The following ATP10D variants were observed in gnomAD, a reference collection of about 807,000 sequenced individuals.
ATP10D encodes the protein phospholipid-transporting ATPase VD.
A neutral mutation model predicts 144.8 loss-of-function variants in ATP10D; 89 were observed. The ratio of observed to expected loss-of-function variants is 0.61; its 90% CI spans 0.52 to 0.73. The LOEUF (loss-of-function observed/expected upper bound fraction) is 0.73, where lower values mean the gene tolerates loss of function less well. ATP10D is among the 30% of genes least tolerant of loss of function. ATP10D has a pLI of 0.00. For missense variants in ATP10D, 1,603 were observed against 1,714.8 expected, an observed-to-expected ratio of 0.93 and a Z score of 1.15; for synonymous variants, 571 against 615.1, an observed-to-expected ratio of 0.93 and a Z score of 1.06.
At chr4:47,576,092 C>T (rs1305335848) in intron 18 of ATP10D, among the ~76,000 whole-genome samples, 3 of 151,458 alleles carry the variant, frequency 2.0e-5, no homozygotes, top group Non-Finnish European at 2.9e-5. Context: ...CCACTACGCC[C>T]GGCTAATTTT....
At chr4:47,578,649 C>T (rs1720356951) in intron 19 of ATP10D, among the ~76,000 whole-genome samples, 1 of 152,190 alleles carries the variant, frequency 6.6e-6, no homozygotes, top group Non-Finnish European at 1.5e-5. Context: ...TCTCTCTTGT[C>T]CAGTGGCATT....
At chr4:47,556,179 G>A (rs1185193831) in intron 11 of ATP10D, among the ~76,000 whole-genome samples, 1 of 152,242 alleles carries the variant, frequency 6.6e-6, no homozygotes, top group African/African-American at 2.4e-5. Flanking sequence ...CTCCTTGTGT[G>A]TAACTCTCTC....
rs369510064 is a variant in ATP10D at position 47,525,667 on chromosome 4, G to T, written c.776+25G>T. On this transcript the variant is annotated intron_variant, in intron 5 of 22. Coordinates refer to ENST00000273859, the MANE Select transcript of ATP10D (RefSeq NM_020453.4). ...TGTGAGTAATACATGATGAACATTT[G>T]TGGGTGTAAGTGGAATTGTGTGTTG... 1.6e-5 allele frequency: 25 copies of T among 1,521,104 alleles called. No homozygotes were observed. In the South Asian group the frequency reaches 2.8e-4, roughly 17 times the overall value. The allele number at this position is 1,521,104 out of a possible 1,614,324, so 94.2% of individuals were successfully genotyped here. A position where few individuals can be genotyped will look rare whatever the true frequency, so the allele number is the denominator to read the frequency against.
chr4:47,567,542 A>G (rs2109459005), intron 15 of ATP10D, among the ~76,000 whole-genome samples: 1 of 152,334 alleles, frequency 6.6e-6, no homozygotes, highest in Non-Finnish European at 1.5e-5. Context: ...TACCTTAAAC[A>G]CAATCTGATG....
intron 1 of ATP10D, among the ~76,000 whole-genome samples, chr4:47,498,538 C>A (rs183905523): frequency 1.3e-5 from 2 of 152,264 alleles, no homozygotes; most frequent in African/African-American, 4.8e-5. Context: ...ATGGAATTAA[C>A]CAAGTATATC....
At chr4:47,537,938 G>T (rs1335980051) in intron 9 of ATP10D, among the ~76,000 whole-genome samples, 1 of 152,056 alleles carries the variant, frequency 6.6e-6, no homozygotes, top group African/African-American at 2.4e-5. Flanking sequence ...TTAAAATTAT[G>T]ATAAATAAAA....
chr4:47,553,682 G>C (rs6811048), intron 10 of ATP10D, among the ~76,000 whole-genome samples: 35,809 of 151,932 alleles, frequency 0.24, 4,177 homozygotes, highest in Admixed American at 0.3. Context: ...TTAGTATGCA[G>C]TGGAGCTAAG....
intron 10 of ATP10D, among the ~76,000 whole-genome samples, chr4:47,553,560 C>T (rs1039937634): frequency 6.6e-6 from 1 of 152,158 alleles, no homozygotes; most frequent in Non-Finnish European, 1.5e-5. Flanking sequence ...CTACTGGTCT[C>T]ATCTTAGTCA....
intron 9 of ATP10D, among the ~76,000 whole-genome samples, chr4:47,544,902 C>G (rs1718332603): frequency 6.6e-6 from 1 of 152,180 alleles, no homozygotes; most frequent in East Asian, 1.9e-4. Flanking sequence ...CAATGCTGAA[C>G]AATTCACATA....
chr4:47,564,168 G>A (rs557731205), intron 15 of ATP10D, among the ~76,000 whole-genome samples: 35 of 152,170 alleles, frequency 2.3e-4, no homozygotes, highest in African/African-American at 7.9e-4. Context: ...CTGGGATTAC[G>A]GGGTGAGCCA....
At chr4:47,511,624 G>A (rs2109399625) in intron 1 of ATP10D, among the ~76,000 whole-genome samples, 1 of 152,284 alleles carries the variant, frequency 6.6e-6, no homozygotes, top group East Asian at 1.9e-4. Context: ...TATGTTATCA[G>A]TTTGATTTTG....
chr4:47,568,876 C>T lies in ATP10D; in HGVS notation c.2893C>T (p.Leu965Phe). ...GMLMSTILKE[L>F]QKKTQALPEQ... Reference sequence around the variant, plus strand: ...GCTGATGAGCACAATTTTGAAAGAACTTCAGAAGAAAACTCAAGCCCTGCC... The same window carrying T: ...GCTGATGAGCACAATTTTGAAAGAATTTCAGAAGAAAACTCAAGCCCTGCC... Residue 965 changes from leucine to phenylalanine, a missense_variant, in exon 16 of 23, where the codon CTT (leucine) becomes TTT (phenylalanine). Leu to Phe is a conservative substitution (Grantham distance 22). Transcript: ENST00000273859. The T allele has an allele frequency of 6.2e-7, 1 of 1,614,148 alleles. No homozygotes were observed. Among genetic ancestry groups the T allele is most frequent in the Non-Finnish European group, 8.5e-7 (1 of 1,180,026 alleles).
At chr4:47,526,885 C>T (rs972031432) in intron 5 of ATP10D, among the ~76,000 whole-genome samples, 1 of 148,580 alleles carries the variant, frequency 6.7e-6, no homozygotes, top group African/African-American at 2.4e-5. Context: ...AAATCAGTTT[C>T]CCCCCAGATT....
At chr4:47,564,649 G>A (rs1373468075) in intron 15 of ATP10D, among the ~76,000 whole-genome samples, 1 of 152,068 alleles carries the variant, frequency 6.6e-6, no homozygotes, top group African/African-American at 2.4e-5. Context: ...AAATTTAGGA[G>A]GCTTAGACTC....
chr4:47,494,661 C>T (rs1178954593), intron 1 of ATP10D, among the ~76,000 whole-genome samples: 1 of 151,648 alleles, frequency 6.6e-6, no homozygotes, highest in Non-Finnish European at 1.5e-5. Flanking sequence ...TTGAAATAGG[C>T]TCTTAATTAG....
intron 21 of ATP10D, among the ~76,000 whole-genome samples, chr4:47,584,376 GT>G (rs879568559): frequency 1.6e-4 from 25 of 151,864 alleles, no homozygotes; most frequent in Admixed American, 5.2e-4. Flanking sequence ...TTTTGTTGTT[GT>G]TTTTTGTTTG....
intron 20 of ATP10D, among the ~76,000 whole-genome samples, chr4:47,581,222 T>A (rs555698849): frequency 6.6e-6 from 1 of 152,186 alleles, no homozygotes; most frequent in African/African-American, 2.4e-5. Context: ...GGAAGAAATG[T>A]AACAAAGCAA....
At chr4:47,519,502 A>G (rs1368128969) in intron 3 of ATP10D, among the ~76,000 whole-genome samples, 3 of 152,190 alleles carry the variant, frequency 2.0e-5, no homozygotes, top group African/African-American at 7.2e-5. Context: ...TACTAGTTTT[A>G]ATTATATATC....
chr4:47,541,730 A>T (rs181026861), intron 9 of ATP10D, among the ~76,000 whole-genome samples: 155 of 152,268 alleles, frequency 1.0e-3, no homozygotes, highest in Non-Finnish European at 1.8e-3. Context: ...TGTTCTGTAG[A>T]CTCATGCCCA....
Sources: gnomAD v4.1 joint callset for allele counts (sites outside exome capture counted in the v4.1 genomes callset) on GRCh38, gnomAD v4.1.1 for gene constraint, MANE v1.5 for transcripts, NCBI Gene and HGNC (gene_info 2026-07-23, HGNC 2026-07-21) for gene names.